Variants in CDK12 observed in about 807,000 individuals in gnomAD.
CDK12 encodes cyclin dependent kinase 12, also known as cyclin-dependent kinase 12.
Under a neutral mutation model 133.8 loss-of-function variants are expected in CDK12, and 17 were observed. The observed-to-expected ratio is 0.13, with a 90% CI of 0.09 to 0.19. The LOEUF is 0.19. Among genes scored for constraint, CDK12 ranks in the 10% least tolerant of loss-of-function variants. The pLI, the probability that CDK12 is intolerant of heterozygous loss-of-function variation, is 1.00. For synonymous variants in CDK12, 694 were observed against 683.6 expected, an observed-to-expected ratio of 1.02 and a Z score of -0.24; for missense variants, 1,508 against 1,818.7, an observed-to-expected ratio of 0.83 and a Z score of 3.11.
chr17:39,540,868 C>T (rs1044315252), intron 1 of CDK12, among the ~76,000 whole-genome samples: 1 of 152,224 alleles, frequency 6.6e-6, no homozygotes, highest in East Asian at 1.9e-4. Context: ...TTCAAAAACC[C>T]TCCATTCCCT....
At chr17:39,479,336 A>G (rs1567701070) in intron 2 of CDK12, among the ~76,000 whole-genome samples, 2 of 151,772 alleles carry the variant, frequency 1.3e-5, no homozygotes, top group Non-Finnish European at 1.5e-5. Flanking sequence ...AAAATCTAAA[A>G]GTTTTGTAAG....
In CDK12 at chr17:39,476,711, CTTTTTTTTTTT is replaced by C. The variant is rs879840168; in HGVS notation, c.1931+4967_1931+4977del. 2.1e-4 allele frequency among the ~76,000 whole-genome samples: 18 copies of C among 84,532 alleles called. 1 individual carries two copies. Among genetic ancestry groups the C allele is most frequent in the East Asian group, 1.9e-3 (5 of 2,660 alleles). 55.5% of individuals were successfully genotyped at this position (84,532 alleles called of 152,430 possible). A position where few individuals can be genotyped will look rare whatever the true frequency, so the allele number is the denominator to read the frequency against. Reference sequence around the variant, plus strand: ...TACAGGCATGAGCCACCATGCCTGCCTTTTTTTTTTTTTTTTTTTTTTTTTTTTTGAGACAG... The same window carrying C: ...TACAGGCATGAGCCACCATGCCTGCCTTTTTTTTTTTTTTTTTTGAGACAG... On this transcript the variant is annotated intron_variant, in intron 2 of 13. Coordinates refer to ENST00000447079, the MANE Select transcript of CDK12 (RefSeq NM_016507.4).
At chr17:39,481,493 A>G (rs572487683) in intron 2 of CDK12, among the ~76,000 whole-genome samples, 25 of 151,036 alleles carry the variant, frequency 1.7e-4, no homozygotes, top group Admixed American at 6.6e-4. Context: ...CATTTTTGGT[A>G]GAGACCAAGT....
At chr17:39,480,510 C>T (rs1290546667) in intron 2 of CDK12, among the ~76,000 whole-genome samples, 3 of 151,924 alleles carry the variant, frequency 2.0e-5, no homozygotes, top group Non-Finnish European at 4.4e-5. Context: ...GGTGCGATCT[C>T]AGCTCACTGC....
At chr17:39,496,529 A>G (rs989013899) in intron 5 of CDK12, among the ~76,000 whole-genome samples, 14 of 152,144 alleles carry the variant, frequency 9.2e-5, no homozygotes, top group African/African-American at 3.1e-4. Context: ...GTGAAACCCT[A>G]TCTCTACTAA....
chr17:39,489,694 A>G (rs765343840), intron 2 of CDK12, among the ~76,000 whole-genome samples: 3 of 141,326 alleles, frequency 2.1e-5, no homozygotes, highest in Non-Finnish European at 4.6e-5. Flanking sequence ...GGGTTTCCCT[A>G]TGTTGGCCAG....
chr17:39,559,645 A>G lies in CDK12; in HGVS notation n.484+3232A>G, dbSNP rs115415149. On this transcript the variant is annotated intron_variant and non_coding_transcript_variant, in intron 3 of 3. Transcript: ENST00000558240. The stretch of plus-strand genomic sequence containing the variant: ...TGCTCTGTCACCCAGAATGGAGTAC[A>G]GTGTCTCAATCATAGTTCACTGCAG... Among the ~76,000 whole-genome samples the G allele has an allele frequency of 2.9e-3, 439 of 152,228 alleles. 2 individuals carry two copies. Among genetic ancestry groups the G allele is most frequent in the African/African-American group, 0.01 (420 of 41,512 alleles).
rs780116042 is a variant in CDK12 at position 39,462,660 on chromosome 17, C to G, written c.589C>G (p.Arg197Gly). 6.2e-7 allele frequency: 1 copy of G among 1,613,990 alleles called. No homozygotes were observed. Among genetic ancestry groups the G allele is most frequent in the South Asian group, 1.1e-5 (1 of 91,076 alleles). ...GGAGCTGAAGTCTGGGCACAAAGACCGGAGTAAAAGTCATCGAAAAAGGGA... is the reference window on the plus strand; with the variant it reads ...GGAGCTGAAGTCTGGGCACAAAGACGGGAGTAAAAGTCATCGAAAAAGGGA... ...ERELKSGHKD[R>G]SKSHRKRETP... is the part of the protein sequence containing the mutation. Residue 197 changes from arginine to glycine, a missense_variant, in exon 1 of 14, where the codon CGG becomes GGG. Physicochemically the swap from Arg to Gly is moderately radical, Grantham distance 125 (BLOSUM62 -2). Transcript: ENST00000447079.
chr17:39,510,069 C>T (rs75471701), intron 7 of CDK12, among the ~76,000 whole-genome samples: 3 of 150,036 alleles, frequency 2.0e-5, no homozygotes, highest in African/African-American at 4.9e-5. Context: ...CCCAAAGTGC[C>T]GGGATTACAG....
chr17:39,462,634 G>C lies in CDK12; in HGVS notation c.563G>C (p.Arg188Pro). ...KLHKEKTRKERELKSGHKDRS... is the reference protein window; with the variant it reads ...KLHKEKTRKEPELKSGHKDRS... ...CACAAGGAGAAGACCAGGAAAGAACGGGAGCTGAAGTCTGGGCACAAAGAC... is the reference window on the plus strand; with the variant it reads ...CACAAGGAGAAGACCAGGAAAGAACCGGAGCTGAAGTCTGGGCACAAAGAC... The change falls in exon 1 of 14, where the codon CGG becomes CCG. Residue 188 changes from arginine (R) to proline (P), a missense_variant. Arg to Pro is a moderately radical substitution (Grantham distance 103, BLOSUM62 -2). Around this residue, in one of 9 missense-constraint regions of CDK12, gnomAD observed 460 missense variants for 490.8 expected, o/e 0.94. Coordinates refer to ENST00000447079, the MANE Select transcript of CDK12 (RefSeq NM_016507.4). The C allele has an allele frequency of 6.2e-7, 1 of 1,614,054 alleles. No individual in the cohort carries two copies. The highest frequency in any genetic ancestry group is 8.5e-7 in the Non-Finnish European group (1 of 1,180,020).
At position 39,462,800 on chromosome 17, in the gene CDK12, C is replaced by T. The variant is rs1323313227; in HGVS notation, c.729C>T (p.Gly243=). ...QDDSPSGASY[G]QDYDLSPSRS... is the part of the protein sequence containing the mutation. ...ATAGCCCCTCGGGAGCTTCTTATGG[C>T]CAAGATTATGACCTTAGTCCCTCAC... The change falls in exon 1 of 14, where the codon GGC becomes GGT. Residue 243 remains glycine (G), a synonymous_variant. Coordinates refer to ENST00000447079, the MANE Select transcript of CDK12 (RefSeq NM_016507.4). 2 of 1,614,146 alleles carry T rather than the reference C, an allele frequency of 1.2e-6. No individual in the cohort carries two copies. The highest frequency in any genetic ancestry group is 1.1e-5 in the South Asian group (1 of 91,082).
upstream of CDK12, among the ~76,000 whole-genome samples, chr17:39,543,601 C>A (rs1200113662): frequency 1.3e-5 from 2 of 152,146 alleles, no homozygotes; most frequent in Admixed American, 6.6e-5. Flanking sequence ...TTGTCTGCTG[C>A]TGATGAAGAA....
At chr17:39,524,580 A>G (rs2054380713) in intron 11 of CDK12, 94 bp from the exon 12 acceptor site, 1 of 1,085,008 alleles carries the variant, frequency 9.2e-7, no homozygotes, top group Non-Finnish European at 1.4e-6. Context: ...TACATTTCCC[A>G]CAGTCTTTGC....
chr17:39,520,520 A>G (rs1355076783), intron 11 of CDK12, among the ~76,000 whole-genome samples: 1 of 151,618 alleles, frequency 6.6e-6, no homozygotes, highest in Non-Finnish European at 1.5e-5. Context: ...CCTCCCGAGT[A>G]GCTGGGACTA....
chr17:39,561,669 C>T (rs1453809766), intron 3 of CDK12, among the ~76,000 whole-genome samples: 5 of 152,178 alleles, frequency 3.3e-5, no homozygotes, highest in African/African-American at 1.2e-4. Context: ...CAAAGGCTCC[C>T]ACCTCCCACC....
intron 11 of CDK12, 83 bp downstream of exon 11, chr17:39,520,170 C>A: frequency 1.4e-6 from 2 of 1,396,686 alleles, no homozygotes; most frequent in Non-Finnish European, 2.0e-6. Context: ...ACCACAGATG[C>A]CCAGTAAGAC....
intron 2 of CDK12, among the ~76,000 whole-genome samples, chr17:39,481,708 C>T (rs1308341219): frequency 1.8e-4 from 2 of 11,240 alleles, no homozygotes; most frequent in Non-Finnish European, 4.8e-4. Flanking sequence ...CTCTCTCTCT[C>T]TCTTTCTCTT....
chr17:39,490,178 CA>C (rs1471943843), intron 2 of CDK12, among the ~76,000 whole-genome samples: 1 of 150,816 alleles, frequency 6.6e-6, no homozygotes, highest in Non-Finnish European at 1.5e-5. Context: ...ACCAGCCTGG[CA>C]AACATGGTGA....
At chr17:39,513,955 TTTC>T (rs1417979481) in intron 8 of CDK12, among the ~76,000 whole-genome samples, 1 of 152,222 alleles carries the variant, frequency 6.6e-6, no homozygotes, top group African/African-American at 2.4e-5. Context: ...GTGGTTTTTT[TTTC>T]TTCTTTTCTT....
Sources: allele counts gnomAD v4.1 joint callset (sites outside exome capture counted in the v4.1 genomes callset), GRCh38; gene constraint gnomAD v4.1.1; regional missense constraint gnomAD v4.1.1; transcripts MANE v1.5; gene names NCBI Gene and HGNC (gene_info 2026-07-23, HGNC 2026-07-21).